The following COL21A1 variants were observed in gnomAD, a reference collection of about 807,000 sequenced individuals.
The protein encoded by COL21A1 is collagen alpha-1(XXI) chain.
COL21A1 carries 149 observed loss-of-function variants against 137.9 expected under a neutral mutation model. The observed-to-expected ratio is 1.08, with a 90% CI of 0.95 to 1.24. The LOEUF (loss-of-function observed/expected upper bound fraction) is 1.24, where lower values mean the gene tolerates loss of function less well. Ranked by LOEUF, COL21A1 falls within the 50% of genes most tolerant of loss-of-function variation. The pLI, the probability that COL21A1 is intolerant of heterozygous loss-of-function variation, is 0.00. For synonymous variants in COL21A1, 456 were observed against 391.5 expected (o/e 1.16, Z -1.95); for missense variants, 1,167 against 1,158.4 (o/e 1.01, Z -0.11).
In COL21A1 at chr6:56,078,595, A is replaced by C. The variant is rs115503044; in HGVS notation, c.1813-1022T>G. Among the ~76,000 whole-genome samples the C allele has an allele frequency of 1.3e-3, 192 of 151,748 alleles. 4 individuals are homozygous for C. Among genetic ancestry groups the C allele is most frequent in the African/African-American group, 4.3e-3 (180 of 41,500 alleles). On this transcript the variant is annotated intron_variant, in intron 17 of 29. Transcript: ENST00000244728. ...AGTGTCTTCTTCTATTGCAGGGAGA[A>C]TCTGCCATTATCTTTATTTTCACAC...
At chr6:56,209,782 T>C (rs1054758339) in intron 1 of COL21A1, among the ~76,000 whole-genome samples, 1 of 152,148 alleles carries the variant, frequency 6.6e-6, no homozygotes, top group African/African-American at 2.4e-5. Context: ...ACTGGGTATA[T>C]ACCCAAGGAT....
Position 56,260,677 on chromosome 6 carries a change from AAGGAAGGAAGGAAGGC to A in COL21A1, c.-38-78037_-38-78022del, listed in dbSNP as rs1562028940. On this transcript the variant is annotated intron_variant, in intron 1 of 28. Transcript: ENST00000370819. ...GAAGGAATGAAGGAAGGAAGGAAGG[AAGGAAGGAAGGAAGGC>A]AGGCAGGCAGGCAGGCAGGCAGGAA... 4.4e-4 allele frequency among the ~76,000 whole-genome samples: 53 copies of A among 121,750 alleles called. No homozygotes were observed. In the South Asian group the frequency reaches 8.2e-3, roughly 19 times the overall value. The allele number at this position is 121,750 out of a possible 152,430, so 79.9% of individuals were successfully genotyped here. A position where few individuals can be genotyped will look rare whatever the true frequency, so the allele number is the denominator to read the frequency against.
At chr6:56,102,591 C>T (rs540046428) in intron 16 of COL21A1, among the ~76,000 whole-genome samples, 1 of 152,250 alleles carries the variant, frequency 6.6e-6, no homozygotes, top group Non-Finnish European at 1.5e-5. Flanking sequence ...TGCACTGAAG[C>T]ATATTATAAC....
chr6:56,079,534 A>G (rs1767562566), intron 17 of COL21A1, among the ~76,000 whole-genome samples: 1 of 151,258 alleles, frequency 6.6e-6, no homozygotes, highest in East Asian at 2.0e-4. Flanking sequence ...CTTGGCTTCC[A>G]CCTCCTCAAA....
intron 1 of COL21A1, among the ~76,000 whole-genome samples, chr6:56,239,902 C>T (rs1782167437): frequency 6.6e-6 from 1 of 152,162 alleles, no homozygotes; most frequent in Non-Finnish European, 1.5e-5. Context: ...ACCCAAATCT[C>T]ATCTTGAATC....
At chr6:56,244,526 T>G (rs1782535586) in intron 1 of COL21A1, among the ~76,000 whole-genome samples, 1 of 152,212 alleles carries the variant, frequency 6.6e-6, no homozygotes, top group African/African-American at 2.4e-5. Flanking sequence ...GGAATTACAT[T>G]TAGTTTAATA....
At chr6:56,320,513 A>G (rs1764838331) in intron 1 of COL21A1, among the ~76,000 whole-genome samples, 1 of 80,934 alleles carries the variant, frequency 1.2e-5, no homozygotes, top group South Asian at 5.2e-4. Flanking sequence ...GTCCTACACA[A>G]TCTGAACACA....
chr6:56,063,623 T>C (rs977416706), intron 24 of COL21A1, among the ~76,000 whole-genome samples: 2 of 152,076 alleles, frequency 1.3e-5, no homozygotes, highest in Non-Finnish European at 2.9e-5. Flanking sequence ...AAATTCTCAA[T>C]TCTTCTTAAC....
chr6:56,210,166 T>C (rs1780068795), intron 1 of COL21A1, among the ~76,000 whole-genome samples: 1 of 152,080 alleles, frequency 6.6e-6, no homozygotes, highest in Admixed American at 6.6e-5. Flanking sequence ...GATGACGATT[T>C]GATGGGTGCA....
chr6:56,297,187 T>C (rs1764182155), intron 1 of COL21A1, among the ~76,000 whole-genome samples: 2 of 152,032 alleles, frequency 1.3e-5, no homozygotes, highest in Non-Finnish European at 2.9e-5. Flanking sequence ...GAAGAAAGAC[T>C]CAACACAGAT....
chr6:56,112,396 T>C (rs1447722239), intron 16 of COL21A1, among the ~76,000 whole-genome samples: 1 of 152,066 alleles, frequency 6.6e-6, no homozygotes, highest in African/African-American at 2.4e-5. Context: ...AAAAACACTT[T>C]CAAAGAACCA....
intron 22 of COL21A1, among the ~76,000 whole-genome samples, chr6:56,067,827 T>C (rs1349107538): frequency 6.6e-6 from 1 of 151,632 alleles, no homozygotes; most frequent in Non-Finnish European, 1.5e-5. Flanking sequence ...AAAATAAGTT[T>C]TATAGATTAT....
intron 17 of COL21A1, among the ~76,000 whole-genome samples, chr6:56,080,301 T>C (rs1443756782): frequency 6.6e-6 from 1 of 151,736 alleles, no homozygotes; most frequent in Non-Finnish European, 1.5e-5. Flanking sequence ...TTTCCTCTAC[T>C]TCTGTGATTT....
intron 1 of COL21A1, among the ~76,000 whole-genome samples, chr6:56,385,490 T>G (rs1280380490): frequency 6.6e-6 from 1 of 152,168 alleles, no homozygotes; most frequent in Non-Finnish European, 1.5e-5. Flanking sequence ...TTCGAGTCCT[T>G]CTCACATTGT....
At chr6:56,352,435 T>C (rs559067207) in intron 1 of COL21A1, among the ~76,000 whole-genome samples, 2 of 151,462 alleles carry the variant, frequency 1.3e-5, no homozygotes, top group South Asian at 4.2e-4. Flanking sequence ...GTCAAATAGG[T>C]GTATGTCAGA....
At chr6:56,320,227 A>G (rs1764832684) in intron 1 of COL21A1, among the ~76,000 whole-genome samples, 1 of 152,086 alleles carries the variant, frequency 6.6e-6, no homozygotes, top group Non-Finnish European at 1.5e-5. Flanking sequence ...CTAATACCCT[A>G]TATCTAATCG....
chr6:56,243,153 T>C (rs925370315), intron 1 of COL21A1, among the ~76,000 whole-genome samples: 1 of 152,140 alleles, frequency 6.6e-6, no homozygotes, highest in Non-Finnish European at 1.5e-5. Flanking sequence ...CCCATGAATA[T>C]AGTGTGTAGA....
At chr6:56,357,725 T>A (rs1765866688) in intron 1 of COL21A1, among the ~76,000 whole-genome samples, 1 of 152,212 alleles carries the variant, frequency 6.6e-6, no homozygotes, top group Non-Finnish European at 1.5e-5. Flanking sequence ...CAGAACCATT[T>A]GAGAAAGGAG....
chr6:56,360,335 C>G (rs1459595565), intron 1 of COL21A1, among the ~76,000 whole-genome samples: 1 of 152,166 alleles, frequency 6.6e-6, no homozygotes, highest in Non-Finnish European at 1.5e-5. Flanking sequence ...TCAGGGAGAA[C>G]AGATGCTAGA....
Sources: allele counts gnomAD v4.1 joint callset (sites outside exome capture counted in the v4.1 genomes callset), GRCh38; gene constraint gnomAD v4.1.1; transcripts MANE v1.5; gene names NCBI Gene and HGNC (gene_info 2026-07-23, HGNC 2026-07-21).